Variants in PCDH9 observed in about 807,000 individuals in gnomAD.
The protein encoded by PCDH9 is protocadherin 9, also known as protocadherin-9.
In PCDH9, 24 loss-of-function variants were observed where a neutral mutation model predicts 70.6. The observed-to-expected ratio is 0.34, with a 90% confidence interval of 0.25 to 0.48. The LOEUF is 0.48. Among genes scored for constraint, PCDH9 ranks in the 20% least tolerant of loss-of-function variants. The probability of loss-of-function intolerance (pLI) is 0.99; values close to 1 mark genes in which losing one functional copy is unlikely to be tolerated. For missense variants in PCDH9, 1,281 were observed against 1,503.6 expected (o/e 0.85, Z 2.45); for synonymous variants, 562 against 558.5 (o/e 1.01, Z -0.09).
chr13:66,957,160 C>T (rs1171232487), intron 2 of PCDH9, among the ~76,000 whole-genome samples: 1 of 152,184 alleles, frequency 6.6e-6, no homozygotes, highest in East Asian at 1.9e-4. Flanking sequence ...TACATTTGCA[C>T]TTTGGCAGTC....
intron 3 of PCDH9, among the ~76,000 whole-genome samples, chr13:66,696,475 C>G (rs1003488276): frequency 2.0e-5 from 3 of 152,090 alleles, no homozygotes; most frequent in Admixed American, 2.0e-4. Flanking sequence ...CAAAAGAAAT[C>G]TTCTCTAACC....
At chr13:66,789,815 C>A (rs1683364874) in intron 3 of PCDH9, among the ~76,000 whole-genome samples, 1 of 152,088 alleles carries the variant, frequency 6.6e-6, no homozygotes, top group Admixed American at 6.6e-5. Context: ...GTGTTGTTTG[C>A]TGCTATATTC....
At chr13:66,851,233 G>A (rs2081310050) in intron 3 of PCDH9, among the ~76,000 whole-genome samples, 1 of 152,164 alleles carries the variant, frequency 6.6e-6, no homozygotes, top group South Asian at 2.1e-4. Flanking sequence ...CAACCTATTA[G>A]AGAAAAATAA....
chr13:66,668,838 C>T (rs760299270), intron 3 of PCDH9, among the ~76,000 whole-genome samples: 1 of 151,942 alleles, frequency 6.6e-6, no homozygotes, highest in Admixed American at 6.6e-5. Context: ...ATTGTTAGCC[C>T]CAATTATTTT....
chr13:66,892,244 A>G (rs1437999148), intron 3 of PCDH9, among the ~76,000 whole-genome samples: 1 of 145,704 alleles, frequency 6.9e-6, no homozygotes. Flanking sequence ...GTGTGTGTGT[A>G]TATATATATA....
intron 4 of PCDH9, among the ~76,000 whole-genome samples, chr13:66,356,936 A>T (rs950762111): frequency 1.3e-4 from 20 of 152,022 alleles, no homozygotes; most frequent in African/African-American, 4.6e-4. Context: ...CAGGGTTAGG[A>T]CATTGTAGAC....
intron 4 of PCDH9, among the ~76,000 whole-genome samples, chr13:66,326,245 A>G (rs543813736): frequency 6.6e-6 from 1 of 152,160 alleles, no homozygotes; most frequent in South Asian, 2.1e-4. Flanking sequence ...ATGTAACCCC[A>G]GCAGTGTTCT....
chr13:66,341,129 AT>A lies in PCDH9; in HGVS notation c.3341-36102del, dbSNP rs531119667. On this transcript the variant is annotated intron_variant, in intron 4 of 4. Coordinates refer to ENST00000377865, the MANE Select transcript of PCDH9 (RefSeq NM_203487.3). ...ATTTTATTTATTTTTTATTTTATTT[AT>A]TTACTTTTTTTGAGACACAGTCTCA... Among the ~76,000 whole-genome samples, 500 of 152,060 alleles carry A rather than the reference AT, an allele frequency of 3.3e-3. 4 individuals are homozygous for A. Among genetic ancestry groups the A allele is most frequent in the African/African-American group, 0.012 (478 of 41,494 alleles).
chr13:66,344,401 C>T (rs1484120644), intron 4 of PCDH9, among the ~76,000 whole-genome samples: 1 of 152,188 alleles, frequency 6.6e-6, no homozygotes, highest in African/African-American at 2.4e-5. Context: ...GCTGGGATTA[C>T]AGGCATAAGC....
rs192371058 is a variant in PCDH9 at position 66,600,958 on chromosome 13, G to A, written c.3340+30252C>T. On this transcript the variant is annotated intron_variant, in intron 4 of 4. Coordinates refer to ENST00000377865, the MANE Select transcript of PCDH9 (RefSeq NM_203487.3). ...TTCTTAATTACTATAAAATTACAAG[G>A]AGGGGGAGAGAGTGTATCATTTCAT... Among the ~76,000 whole-genome samples, 51 of 145,188 alleles carry A rather than the reference G, an allele frequency of 3.5e-4. 4 individuals carry two copies. The highest frequency in any genetic ancestry group is 1.2e-3 in the African/African-American group (47 of 40,462).
intron 2 of PCDH9, among the ~76,000 whole-genome samples, chr13:67,016,031 G>C (rs1286968979): frequency 6.6e-6 from 1 of 152,044 alleles, no homozygotes. Context: ...AAATCATTCT[G>C]ATATATCACA....
At chr13:66,887,834 T>C (rs1245632006) in intron 3 of PCDH9, among the ~76,000 whole-genome samples, 1 of 152,234 alleles carries the variant, frequency 6.6e-6, no homozygotes, top group Non-Finnish European at 1.5e-5. Context: ...AAAATGTTAA[T>C]GTCATTTTTC....
intron 4 of PCDH9, among the ~76,000 whole-genome samples, chr13:66,610,721 A>T (rs1196479690): frequency 6.6e-6 from 1 of 152,168 alleles, no homozygotes; most frequent in African/African-American, 2.4e-5. Flanking sequence ...GGAACACAAC[A>T]TCCTCTTCTG....
chr13:66,796,721 G>C (rs1373305963), intron 3 of PCDH9, among the ~76,000 whole-genome samples: 1 of 152,030 alleles, frequency 6.6e-6, no homozygotes, highest in East Asian at 1.9e-4. Flanking sequence ...GAATAAAATA[G>C]TTCTTGCCTT....
chr13:67,046,254 C>T (rs564732494), intron 2 of PCDH9, among the ~76,000 whole-genome samples: 1 of 152,274 alleles, frequency 6.6e-6, no homozygotes, highest in South Asian at 2.1e-4. Flanking sequence ...GCATGGGCTG[C>T]TAATGGATTT....
At chr13:66,488,392 G>A (rs1039007509) in intron 4 of PCDH9, among the ~76,000 whole-genome samples, 4 of 152,094 alleles carry the variant, frequency 2.6e-5, no homozygotes, top group Non-Finnish European at 1.5e-5. Context: ...CCAGTTGAGG[G>A]CCAAATGAGT....
At chr13:66,691,513 C>G (rs983374006) in intron 3 of PCDH9, among the ~76,000 whole-genome samples, 1 of 151,910 alleles carries the variant, frequency 6.6e-6, no homozygotes, top group African/African-American at 2.4e-5. Context: ...AGATTGGACA[C>G]AGTTAAATTT....
chr13:66,899,897 T>C (rs1036556611), intron 3 of PCDH9, among the ~76,000 whole-genome samples: 1 of 151,922 alleles, frequency 6.6e-6, no homozygotes, highest in Non-Finnish European at 1.5e-5. Flanking sequence ...AAGAAAGAAC[T>C]TCAAGTATAA....
At chr13:66,405,072 C>T (rs893196221) in intron 4 of PCDH9, among the ~76,000 whole-genome samples, 7 of 152,160 alleles carry the variant, frequency 4.6e-5, no homozygotes, top group Non-Finnish European at 1.0e-4. Flanking sequence ...AGCAAATTTA[C>T]TGATCCTAGA....
Sources: gnomAD v4.1 joint callset for allele counts (sites outside exome capture counted in the v4.1 genomes callset) on GRCh38, gnomAD v4.1.1 for gene constraint, MANE v1.5 for transcripts, NCBI Gene and HGNC (gene_info 2026-07-23, HGNC 2026-07-21) for gene names.